Variants in TATDN2 observed in about 807,000 individuals in gnomAD.
TATDN2 encodes the protein 3'-5' RNA nuclease TATDN2.
Under a neutral mutation model 60.3 loss-of-function variants are expected in TATDN2, and 44 were observed. The observed-to-expected ratio is 0.73, with a 90% CI of 0.57 to 0.94. TATDN2 has a LOEUF of 0.94. Among genes scored for constraint, TATDN2 ranks in the 40% least tolerant of loss-of-function variants. The pLI, the probability that TATDN2 is intolerant of heterozygous loss-of-function variation, is 0.00. For missense variants in TATDN2, 997 were observed against 948.0 expected, an observed-to-expected ratio of 1.05 and a Z score of -0.68; for synonymous variants, 399 against 355.8, an observed-to-expected ratio of 1.12 and a Z score of -1.37.
intron 3 of TATDN2, among the ~76,000 whole-genome samples, chr3:10,261,394 A>G (rs1355636997): frequency 2.0e-5 from 3 of 148,106 alleles, no homozygotes. Flanking sequence ...TTGTTGGGAC[A>G]GAGTCTTGCT....
rs184318635 is a variant in TATDN2 at position 10,259,870 on chromosome 3, G to A, written c.415-267G>A. On this transcript the variant is annotated intron_variant, in intron 2 of 7. Transcript: ENST00000448281. ...TTGCCTTCCAGGAGCTTGCAGTCTGGTTTAATGAGAGTGTTCATTTCAGCT... is the reference window on the plus strand; with the variant it reads ...TTGCCTTCCAGGAGCTTGCAGTCTGATTTAATGAGAGTGTTCATTTCAGCT... Among the ~76,000 whole-genome samples, 85 of 152,320 alleles carry A rather than the reference G, an allele frequency of 5.6e-4. 1 individual carries two copies. The highest frequency in any genetic ancestry group is 6.0e-4 in the Non-Finnish European group (41 of 68,026).
chr3:10,262,150 CT>C (rs1049604983), intron 3 of TATDN2, among the ~76,000 whole-genome samples: 1 of 152,128 alleles, frequency 6.6e-6, no homozygotes, highest in African/African-American at 2.4e-5. Flanking sequence ...GAATCTGTTT[CT>C]TTTTTTTCTC....
chr3:10,269,856 G>A (rs1012980938), intron 3 of TATDN2, among the ~76,000 whole-genome samples: 1 of 152,194 alleles, frequency 6.6e-6, no homozygotes, highest in Non-Finnish European at 1.5e-5. Context: ...AGGGATGCAG[G>A]TAGAGCACCA....
chr3:10,261,117 G>A (rs971560289), intron 3 of TATDN2, among the ~76,000 whole-genome samples: 2 of 152,220 alleles, frequency 1.3e-5, no homozygotes, highest in Non-Finnish European at 2.9e-5. Context: ...AGTGGGAAGG[G>A]GAGAAGAGGA....
chr3:10,260,772 C>T, intron 3 of TATDN2, 102 bp downstream of exon 3: 1 of 1,371,240 alleles, frequency 7.3e-7, no homozygotes, highest in Non-Finnish European at 9.8e-7. Context: ...AAAAATAGTA[C>T]TTTACTTAAC....
chr3:10,265,019 C>CTTT (rs550799457), intron 3 of TATDN2, among the ~76,000 whole-genome samples: 3 of 76,442 alleles, frequency 3.9e-5, no homozygotes, highest in African/African-American at 1.7e-4. Flanking sequence ...TTTTTTTGGT[C>CTTT]TTTTTTTTTT....
chr3:10,274,975 C>T (rs1698613472), intron 4 of TATDN2, among the ~76,000 whole-genome samples: 2 of 150,974 alleles, frequency 1.3e-5, no homozygotes, highest in Admixed American at 6.6e-5. Context: ...AGGTAATTTG[C>T]TTATAATGAA....
rs755684805 is a variant in TATDN2, at chr3:10,270,616, A to G, written c.1434A>G (p.Ala478=). 9.3e-6 allele frequency: 15 copies of G among 1,614,134 alleles called. No individual in the cohort carries two copies. The highest frequency in any genetic ancestry group is 1.3e-5 in the Non-Finnish European group (15 of 1,180,054). The change falls in exon 4 of 8, where the codon GCA becomes GCG. Residue 478 remains alanine (A), a synonymous_variant. Transcript: ENST00000448281. ...EMPPRPCGGH[A]SSSLPKSHLE... is the part of the protein sequence containing the mutation. ...CTCCGCGTCCTTGTGGAGGACACGC[A>G]TCCAGCTCCCTGCCAAAGAGCCACC...
At position 10,276,272 on chromosome 3, in the gene TATDN2, G is replaced by A. The variant is rs1576017452; in HGVS notation, c.1834-89G>A. ...ATATAGTTAAAAAAAGAGAGACACA[G>A]GGGGTGCCTGCTGGACTGGGCGTTC... On this transcript the variant is annotated intron_variant, in intron 4 of 7. Transcript: ENST00000448281. 6.0e-6 allele frequency: 9 copies of A among 1,500,602 alleles called. No individual in the cohort carries two copies. In the East Asian group the frequency reaches 2.1e-4, roughly 34 times the overall value. 93.0% of individuals were successfully genotyped at this position (1,500,602 alleles called of 1,614,324 possible).
chr3:10,264,298 C>T (rs1698448513), intron 3 of TATDN2, among the ~76,000 whole-genome samples: 1 of 152,208 alleles, frequency 6.6e-6, no homozygotes, highest in African/African-American at 2.4e-5. Context: ...GCTTAGGTCT[C>T]AGCCTTCTCT....
At chr3:10,275,295 T>C (rs905671330) in intron 4 of TATDN2, among the ~76,000 whole-genome samples, 22 of 152,220 alleles carry the variant, frequency 1.4e-4, no homozygotes, top group African/African-American at 5.1e-4. Flanking sequence ...TACTTTTCTT[T>C]GTTCTAAACC....
intron 3 of TATDN2, among the ~76,000 whole-genome samples, chr3:10,267,380 T>C (rs1698493576): frequency 6.6e-6 from 1 of 152,162 alleles, no homozygotes; most frequent in African/African-American, 2.4e-5. Flanking sequence ...ATGTTTCTAG[T>C]TACATGTGCA....
intron 2 of TATDN2, among the ~76,000 whole-genome samples, chr3:10,259,835 A>AGTGT (rs1698372820): frequency 6.6e-6 from 1 of 152,124 alleles, no homozygotes; most frequent in Non-Finnish European, 1.5e-5. Flanking sequence ...TTTTGCCTGA[A>AGTGT]GTGTAGTCCT....
At chr3:10,259,901 C>T (rs1027905291) in intron 2 of TATDN2, among the ~76,000 whole-genome samples, 9 of 152,246 alleles carry the variant, frequency 5.9e-5, no homozygotes, top group Middle Eastern at 3.4e-3. Flanking sequence ...CAGCTCCTTC[C>T]GTCCCCTTGC....
chr3:10,260,000 C>T (rs533708524), intron 2 of TATDN2, 137 bp from the exon 3 acceptor site: 66 of 1,002,760 alleles, frequency 6.6e-5, no homozygotes, highest in Admixed American at 2.0e-4. Context: ...CTTCACCACC[C>T]GGAGAGAACC....
chr3:10,254,157 C>G (rs1312699703), intron 2 of TATDN2, among the ~76,000 whole-genome samples: 3 of 152,136 alleles, frequency 2.0e-5, no homozygotes, highest in African/African-American at 7.2e-5. Flanking sequence ...AGGCTTGGGG[C>G]TGTTGTTGCC....
At chr3:10,269,027 A>G (rs1698518723) in intron 3 of TATDN2, among the ~76,000 whole-genome samples, 3 of 152,130 alleles carry the variant, frequency 2.0e-5, no homozygotes, top group African/African-American at 7.2e-5. Context: ...TTCCTTTCAG[A>G]TTTTGGCGAG....
Position 10,278,249 on chromosome 3 carries a change from A to G in TATDN2, c.1962-30A>G. 1 of 1,602,284 alleles carries G rather than the reference A, an allele frequency of 6.2e-7. No individual in the cohort carries two copies. Among genetic ancestry groups the G allele is most frequent in the Non-Finnish European group, 8.5e-7 (1 of 1,171,854 alleles). On this transcript the variant is annotated intron_variant, in intron 5 of 7. Coordinates refer to ENST00000448281, the MANE Select transcript of TATDN2 (RefSeq NM_014760.4). The surrounding 1 kb of genome is among the most constrained non-coding windows in gnomAD (Gnocchi z 4.7). ...GGGGGCTGCTGCAGAGGGGACTGTG[A>G]GCAGCCCTGATGTGGAGTTCTGTCT... is the stretch of plus-strand genomic sequence containing the variant.
At chr3:10,253,101 C>G (rs1035915502) in intron 2 of TATDN2, among the ~76,000 whole-genome samples, 3 of 152,052 alleles carry the variant, frequency 2.0e-5, no homozygotes, top group Middle Eastern at 3.4e-3. Context: ...TCGTGATCCG[C>G]CTGCATAGGC....
Sources: allele counts gnomAD v4.1 joint callset (sites outside exome capture counted in the v4.1 genomes callset), GRCh38; gene constraint gnomAD v4.1.1; non-coding constraint Gnocchi (gnomAD v3.1); transcripts MANE v1.5; gene names NCBI Gene and HGNC (gene_info 2026-07-23, HGNC 2026-07-21).